The following MAGI1 variants were observed in gnomAD, a reference collection of about 807,000 sequenced individuals.
MAGI1 encodes membrane associated guanylate kinase, WW and PDZ domain containing 1, also known as membrane-associated guanylate kinase, WW and PDZ domain-containing protein 1.
In MAGI1, 58 loss-of-function variants were observed where a neutral mutation model predicts 139.9. That is an observed-to-expected ratio of 0.41 (90% CI 0.34 to 0.52). The LOEUF is 0.52. Ranked by LOEUF, MAGI1 falls within the 20% of genes least tolerant of loss-of-function variation. The pLI, the probability that MAGI1 is intolerant of heterozygous loss-of-function variation, is 0.12. For synonymous variants in MAGI1, 812 were observed against 737.9 expected (o/e 1.10, Z -1.63); for missense variants, 1,874 against 1,901.6 (o/e 0.99, Z 0.27).
At chr3:65,869,172 C>T (rs1048102680) in intron 1 of MAGI1, among the ~76,000 whole-genome samples, 2 of 146,878 alleles carry the variant, frequency 1.4e-5, no homozygotes, top group African/African-American at 2.5e-5. Flanking sequence ...AGGAGAATGG[C>T]GTGAACCCAG....
chr3:65,906,842 C>T (rs919081272), intron 1 of MAGI1, among the ~76,000 whole-genome samples: 6 of 150,180 alleles, frequency 4.0e-5, no homozygotes, highest in South Asian at 2.1e-4. Flanking sequence ...GCCAAGATCA[C>T]GCCATTGCAC....
chr3:65,870,627 C>T (rs924689740), intron 1 of MAGI1, among the ~76,000 whole-genome samples: 1 of 131,266 alleles, frequency 7.6e-6, no homozygotes, highest in Non-Finnish European at 1.5e-5. Flanking sequence ...CAGAGAAAGA[C>T]AGGAGAGAGG....
intron 1 of MAGI1, among the ~76,000 whole-genome samples, chr3:65,774,843 T>C (rs553775659): frequency 1.6e-4 from 25 of 152,264 alleles, no homozygotes; most frequent in Middle Eastern, 3.4e-3. Flanking sequence ...CCTTAGGCAA[T>C]AGGGAGAAGA....
intron 1 of MAGI1, among the ~76,000 whole-genome samples, chr3:65,841,629 T>A (rs1455328082): frequency 1.3e-5 from 2 of 152,066 alleles, no homozygotes; most frequent in Non-Finnish European, 2.9e-5. Flanking sequence ...GGTTTCACCA[T>A]GTTCGCTAGG....
chr3:65,939,903 C>T (rs1377379953), intron 1 of MAGI1, among the ~76,000 whole-genome samples: 1 of 152,118 alleles, frequency 6.6e-6, no homozygotes, highest in East Asian at 1.9e-4. Context: ...GATTGTTTTA[C>T]AGTCCCTGGA....
At position 65,429,660 on chromosome 3, in the gene MAGI1, C is replaced by A; in HGVS notation, c.2027G>T (p.Arg676Met). Reference protein sequence around the residue: ...QRVKQIVDSPRCRGLKEGDLI... With the variant: ...QRVKQIVDSPMCRGLKEGDLI... ...ATCCCCTTCTTTCAGGCCTCGGCAC[C>A]TTGGGCTGTCAACAATCTGTTTCAC... The change falls in exon 12 of 23, where the codon AGG (arginine) becomes ATG (methionine). Residue 676 changes from arginine to methionine, a missense_variant. Arg to Met is a moderately conservative substitution (Grantham distance 91, BLOSUM62 -1). Around this residue, in one of 5 missense-constraint regions of MAGI1, gnomAD observed 482 missense variants for 509.6 expected, o/e 0.95. Coordinates refer to ENST00000402939, the MANE Select transcript of MAGI1 (RefSeq NM_001033057.2). The A allele has an allele frequency of 6.2e-7, 1 of 1,613,906 alleles. No individual in the cohort carries two copies. Among genetic ancestry groups the A allele is most frequent in the Non-Finnish European group, 8.5e-7 (1 of 1,179,952 alleles).
At chr3:65,600,692 TAG>T (rs1163483248) in intron 2 of MAGI1, among the ~76,000 whole-genome samples, 1 of 152,214 alleles carries the variant, frequency 6.6e-6, no homozygotes, top group South Asian at 2.1e-4. Flanking sequence ...GAGCACAGTT[TAG>T]AGAGGCAGTG....
chr3:65,772,028 C>G (rs2037994861), intron 1 of MAGI1, among the ~76,000 whole-genome samples: 1 of 152,156 alleles, frequency 6.6e-6, no homozygotes, highest in South Asian at 2.1e-4. Flanking sequence ...TGGTGAAACC[C>G]TGTCTCTACT....
intron 2 of MAGI1, among the ~76,000 whole-genome samples, chr3:65,587,593 G>C (rs1434613203): frequency 6.9e-6 from 1 of 145,116 alleles, no homozygotes; most frequent in Non-Finnish European, 1.5e-5. Context: ...CCACCTCCCA[G>C]CTTCCACCTC....
chr3:65,645,275 T>C (rs868030564), intron 1 of MAGI1, among the ~76,000 whole-genome samples: 7 of 151,916 alleles, frequency 4.6e-5, no homozygotes, highest in Admixed American at 2.6e-4. Flanking sequence ...TTTTGAGAAC[T>C]GAAAGAAAAA....
chr3:65,729,132 G>T (rs866161874), intron 1 of MAGI1, among the ~76,000 whole-genome samples: 2,706 of 114,998 alleles, frequency 0.024, 396 homozygotes, highest in African/African-American at 0.075. Context: ...GGGGGGGGGG[G>T]GGGGATGATA....
rs771985580 is a variant in MAGI1 at position 65,379,275 on chromosome 3, G to T, written c.2981C>A (p.Ala994Glu). 1.2e-6 allele frequency: 2 copies of T among 1,612,352 alleles called. No individual in the cohort carries two copies. Among genetic ancestry groups the T allele is most frequent in the Non-Finnish European group, 1.7e-6 (2 of 1,179,192 alleles). The change falls in exon 17 of 23, where the codon GCA becomes GAA. Residue 994 changes from alanine (A) to glutamate (E), a missense_variant. By Grantham distance (107) the Ala-to-Glu change is moderately radical. Around this residue, in one of 5 missense-constraint regions of MAGI1, gnomAD observed 653 missense variants for 644.5 expected, o/e 1.01. Transcript: ENST00000402939. The part of the protein sequence containing the change: ...VIVSSVSRPE[A>E]GTTFGNACVA... ...TCAGCACTCACCAAAGGTCGTGCCT[G>T]CTTCGGGCCTGCTCACCGAGGACAC...
intron 2 of MAGI1, among the ~76,000 whole-genome samples, chr3:65,558,102 G>A (rs1023749952): frequency 1.3e-5 from 2 of 152,226 alleles, no homozygotes; most frequent in Admixed American, 6.5e-5. Context: ...GGCACCAATA[G>A]GCTTTCTCAC....
chr3:65,775,449 G>GAA (rs1553705201), intron 1 of MAGI1, among the ~76,000 whole-genome samples: 461 of 26,266 alleles, frequency 0.018, 4 homozygotes, highest in Non-Finnish European at 0.02. Context: ...ACCTTCTCTG[G>GAA]AAAAAAAAAA....
intron 1 of MAGI1, among the ~76,000 whole-genome samples, chr3:65,681,225 T>G (rs1239066861): frequency 6.6e-6 from 1 of 152,220 alleles, no homozygotes; most frequent in East Asian, 1.9e-4. Context: ...CCAAGAATAA[T>G]TCTAAATCCT....
intron 1 of MAGI1, among the ~76,000 whole-genome samples, chr3:65,710,046 T>C (rs2031122052): frequency 1.3e-5 from 2 of 152,218 alleles, no homozygotes; most frequent in Admixed American, 1.3e-4. Flanking sequence ...TTTTGACTTC[T>C]GAAAGTTGTC....
chr3:65,384,740 TAAAC>T (rs1191427771), intron 14 of MAGI1, among the ~76,000 whole-genome samples: 64 of 151,248 alleles, frequency 4.2e-4, no homozygotes, highest in East Asian at 1.8e-3. Flanking sequence ...CTCAAATAAA[TAAAC>T]AAACAACAAA....
chr3:65,936,912 T>TGGTGG (rs1560032014), intron 1 of MAGI1, among the ~76,000 whole-genome samples: 1 of 147,594 alleles, frequency 6.8e-6, no homozygotes, highest in Non-Finnish European at 1.5e-5. Context: ...GTTGTTGTTG[T>TGGTGG]TGTTGTTGGT....
intron 2 of MAGI1, among the ~76,000 whole-genome samples, chr3:65,533,306 C>A (rs1278764685): frequency 2.0e-5 from 3 of 152,152 alleles, no homozygotes; most frequent in African/African-American, 7.2e-5. Context: ...GAGGTGTGGT[C>A]ACTGACCCCA....
Sources: allele counts gnomAD v4.1 joint callset (sites outside exome capture counted in the v4.1 genomes callset), GRCh38; gene constraint gnomAD v4.1.1; regional missense constraint gnomAD v4.1.1; transcripts MANE v1.5; gene names NCBI Gene and HGNC (gene_info 2026-07-23, HGNC 2026-07-21).